Variants in WWOX observed in about 807,000 individuals in gnomAD.
WWOX encodes WW domain containing oxidoreductase.
In WWOX, 69 loss-of-function variants were observed where a neutral mutation model predicts 46.2. That is an observed-to-expected ratio of 1.49 (90% CI 1.23 to 1.82). The LOEUF is 1.82. Among genes scored for constraint, WWOX ranks in the 40% most tolerant of loss-of-function variants. The pLI is 0.00. For missense variants in WWOX, 919 were observed against 542.6 expected, an observed-to-expected ratio of 1.69 and a Z score of -6.89; for synonymous variants, 359 against 202.6, an observed-to-expected ratio of 1.77 and a Z score of -6.56.
At chr16:79,044,430 C>A (rs8061345) in intron 8 of WWOX, among the ~76,000 whole-genome samples, 29,704 of 152,032 alleles carry the variant, frequency 0.2, 3,873 homozygotes, top group African/African-American at 0.37. Context: ...ACTGTCCTCA[C>A]GATAGTGAGT....
intron 4 of WWOX, among the ~76,000 whole-genome samples, chr16:78,133,142 C>G (rs1318425205): frequency 1.3e-5 from 2 of 152,150 alleles, no homozygotes; most frequent in African/African-American, 4.8e-5. Context: ...GGTTATAAAG[C>G]TAGTCTTGTT....
At position 78,424,937 on chromosome 16, in the gene WWOX, C is replaced by CT. The variant is rs1567565324; in HGVS notation, c.674dup (p.Glu226GlyfsTer44). Reference sequence around the variant, plus strand: ...ACCCTGGAGTCTCACCAAAGATGGCCTGGAGACCACCTTTCAAGTGAATCA... The same window carrying CT: ...ACCCTGGAGTCTCACCAAAGATGGCCTTGGAGACCACCTTTCAAGTGAATCA... On this transcript the variant is annotated frameshift_variant, in exon 7 of 9. Coordinates refer to ENST00000566780, the MANE Select transcript of WWOX (RefSeq NM_016373.4). LOFTEE classifies it high-confidence loss of function. 1.2e-6 allele frequency: 2 copies of CT among 1,614,180 alleles called. No individual in the cohort carries two copies. Among genetic ancestry groups the CT allele is most frequent in the Non-Finnish European group, 1.7e-6 (2 of 1,180,034 alleles).
chr16:78,625,211 G>A (rs2046284633), intron 8 of WWOX, among the ~76,000 whole-genome samples: 1 of 152,152 alleles, frequency 6.6e-6, no homozygotes. Context: ...CTGCAGTTCT[G>A]CGTTTAGGCT....
At chr16:78,835,226 A>G (rs901372238) in intron 8 of WWOX, among the ~76,000 whole-genome samples, 1 of 152,312 alleles carries the variant, frequency 6.6e-6, no homozygotes, top group Admixed American at 6.5e-5. Context: ...CTAGAAAACA[A>G]GTGCCAGCAT....
In WWOX at chr16:78,725,339, C is replaced by CTTTTTTT. The variant is rs921746316; in HGVS notation, c.1056+292591_1056+292592insTTTTTTT. ...TTTTTTTCCTTTTTTCTTTTCTTTT[C>CTTTTTTT]TTTTCTTTTTTTTTTTTTTTTTTTT... is the stretch of plus-strand genomic sequence containing the variant. On this transcript the variant is annotated intron_variant, in intron 8 of 8. Coordinates refer to ENST00000566780, the MANE Select transcript of WWOX (RefSeq NM_016373.4). 2.7e-3 allele frequency among the ~76,000 whole-genome samples: 236 copies of CTTTTTTT among 86,710 alleles called. 4 individuals carry two copies. Among genetic ancestry groups the CTTTTTTT allele is most frequent in the Non-Finnish European group, 3.6e-3 (164 of 45,796 alleles). 56.9% of individuals were successfully genotyped at this position (86,710 alleles called of 152,430 possible).
chr16:78,398,243 CCCAGGCCTCTGGGATCTGATCCCT>C (rs1220415817), intron 6 of WWOX, among the ~76,000 whole-genome samples: 3 of 152,150 alleles, frequency 2.0e-5, no homozygotes, highest in Non-Finnish European at 4.4e-5. Context: ...CTGTGGCCCA[CCCAGGCCTCTGGGATCTGATCCCT>C]TCTCCCATGT....
chr16:78,151,091 G>A lies in WWOX; in HGVS notation c.410-13092G>A, dbSNP rs906264189. On this transcript the variant is annotated intron_variant, in intron 4 of 8. Transcript: ENST00000566780. The stretch of plus-strand genomic sequence containing the variant: ...GGGATCTCACTGTGTTGTCCAGGCT[G>A]GTCTCAAACCCTTGGGTTTAAGTGA... Among the ~76,000 whole-genome samples, 15 of 149,694 alleles carry A rather than the reference G, an allele frequency of 1.0e-4. No homozygotes were observed. The East Asian group carries it at 3.0e-3, about 30-fold the overall frequency.
intron 8 of WWOX, among the ~76,000 whole-genome samples, chr16:78,642,018 A>G (rs1424666853): frequency 6.6e-6 from 1 of 152,182 alleles, no homozygotes; most frequent in Non-Finnish European, 1.5e-5. Context: ...AAAGAAGAAA[A>G]ACAGCAACGA....
At chr16:78,862,293 T>C (rs1206945143) in intron 8 of WWOX, among the ~76,000 whole-genome samples, 1 of 151,452 alleles carries the variant, frequency 6.6e-6, no homozygotes, top group Non-Finnish European at 1.5e-5. Flanking sequence ...TGTCTTTCTG[T>C]ATCTATACAC....
intron 8 of WWOX, among the ~76,000 whole-genome samples, chr16:78,663,990 C>G (rs11150093): frequency 0.26 from 39,169 of 152,068 alleles, 7,600 homozygotes; most frequent in African/African-American, 0.55. Flanking sequence ...TTTTCCTTGA[C>G]TTATGGTGAT....
At chr16:79,106,240 T>C (rs1171222068) in intron 8 of WWOX, among the ~76,000 whole-genome samples, 1 of 152,212 alleles carries the variant, frequency 6.6e-6, no homozygotes, top group East Asian at 1.9e-4. Flanking sequence ...CTGCCTTAAA[T>C]AAACTTCTTC....
chr16:78,366,244 G>T (rs1352598546), intron 5 of WWOX, among the ~76,000 whole-genome samples: 1 of 152,200 alleles, frequency 6.6e-6, no homozygotes, highest in Non-Finnish European at 1.5e-5. Flanking sequence ...ACGCTGTTAT[G>T]TACGAAGTGA....
chr16:79,043,632 TTAAG>T (rs1323024633), intron 8 of WWOX, among the ~76,000 whole-genome samples: 1 of 152,184 alleles, frequency 6.6e-6, no homozygotes, highest in Non-Finnish European at 1.5e-5. Context: ...CCACATTTTA[TTAAG>T]TAAGTAATTT....
chr16:78,312,338 TTA>T (rs1291238166), intron 5 of WWOX, among the ~76,000 whole-genome samples: 2 of 151,912 alleles, frequency 1.3e-5, no homozygotes, highest in African/African-American at 4.8e-5. Flanking sequence ...AAGGAAACAC[TTA>T]TATTGCTAGT....
At chr16:78,577,277 T>G (rs547461622) in intron 8 of WWOX, among the ~76,000 whole-genome samples, 23 of 152,328 alleles carry the variant, frequency 1.5e-4, no homozygotes, top group African/African-American at 3.8e-4. Flanking sequence ...GAACAGACTT[T>G]CTGTCCAGTT....
chr16:78,238,277 C>G (rs11150050), intron 5 of WWOX: 24,849 of 152,226 alleles, frequency 0.16, 2,732 homozygotes, highest in African/African-American at 0.3. Context: ...CCTGTTTCTC[C>G]TTTCTAGTGT....
chr16:78,867,108 C>G (rs1002828920), intron 8 of WWOX, among the ~76,000 whole-genome samples: 2 of 152,024 alleles, frequency 1.3e-5, no homozygotes, highest in South Asian at 4.1e-4. Context: ...GTTCTTAGCT[C>G]ACTAAAAGTG....
intron 8 of WWOX, among the ~76,000 whole-genome samples, chr16:79,182,081 C>G (rs1343880084): frequency 2.0e-5 from 3 of 151,622 alleles, no homozygotes; most frequent in East Asian, 3.9e-4. Context: ...CCCACCCTAC[C>G]CAAAGGATGA....
chr16:79,084,866 T>C (rs949756233), intron 8 of WWOX, among the ~76,000 whole-genome samples: 3 of 152,208 alleles, frequency 2.0e-5, no homozygotes, highest in South Asian at 2.1e-4. Context: ...TTTGTACATA[T>C]ATGTATATTT....
Sources: gnomAD v4.1 joint callset for allele counts (sites outside exome capture counted in the v4.1 genomes callset) on GRCh38, gnomAD v4.1.1 for gene constraint, MANE v1.5 for transcripts, NCBI Gene and HGNC (gene_info 2026-07-23, HGNC 2026-07-21) for gene names.